ACOT11: variants seen among roughly 807,000 people sequenced by gnomAD.
ACOT11 encodes the protein acyl-CoA thioesterase 11, also known as acyl-coenzyme A thioesterase 11.
Under a neutral mutation model 77.5 loss-of-function variants are expected in ACOT11, and 69 were observed. That is an observed-to-expected ratio of 0.89 (90% CI 0.73 to 1.09). The LOEUF (loss-of-function observed/expected upper bound fraction) is 1.09, where lower values mean the gene tolerates loss of function less well. Among genes scored for constraint, ACOT11 ranks in the 50% least tolerant of loss-of-function variants. The pLI, the probability that ACOT11 is intolerant of heterozygous loss-of-function variation, is 0.00. For synonymous variants in ACOT11, 279 were observed against 313.0 expected (o/e 0.89, Z 1.15); for missense variants, 766 against 813.7 (o/e 0.94, Z 0.71).
At chr1:54,571,380 G>T (rs552216554) in intron 1 of ACOT11, among the ~76,000 whole-genome samples, 41 of 152,190 alleles carry the variant, frequency 2.7e-4, no homozygotes, top group Non-Finnish European at 5.3e-4. Flanking sequence ...AGTGGAATTG[G>T]AACAGGTCTG....
intron 1 of ACOT11, chr1:54,582,442 T>C (rs1654344124): frequency 7.1e-6 from 7 of 985,350 alleles, no homozygotes; most frequent in Non-Finnish European, 8.4e-6. Context: ...CAGGGCCCCG[T>C]ACAGAGGAAG....
intron 15 of ACOT11, among the ~76,000 whole-genome samples, chr1:54,630,226 AC>A (rs1644292284): frequency 1.2e-5 from 1 of 86,592 alleles, no homozygotes; most frequent in Admixed American, 1.2e-4. Flanking sequence ...AATAAAAAAA[AC>A]AAGCCAGGTG....
chr1:54,603,809 A>C, intron 10 of ACOT11, 62 bp from the exon 11 acceptor site: 81 of 1,476,742 alleles, frequency 5.5e-5, no homozygotes, highest in Non-Finnish European at 6.6e-5. Context: ...GGCCTGCAGT[A>C]GAGTCTGTGG....
intron 1 of ACOT11, among the ~76,000 whole-genome samples, chr1:54,549,559 T>G (rs545026339): frequency 7.9e-5 from 12 of 152,348 alleles, no homozygotes; most frequent in African/African-American, 2.9e-4. Flanking sequence ...TGCTGCCTCC[T>G]CTGGAAGTCC....
chr1:54,581,000 G>A (rs1654286421), intron 1 of ACOT11, among the ~76,000 whole-genome samples: 1 of 152,200 alleles, frequency 6.6e-6, no homozygotes, highest in Non-Finnish European at 1.5e-5. Context: ...AGCTACGGTG[G>A]CTGGTTCTTG....
chr1:54,566,008 T>G (rs1429629827), intron 1 of ACOT11, among the ~76,000 whole-genome samples: 1 of 152,184 alleles, frequency 6.6e-6, no homozygotes, highest in Non-Finnish European at 1.5e-5. Flanking sequence ...AAATCAGTGA[T>G]AGCTTGTTTC....
At chr1:54,626,882 G>C (rs1237320377) in intron 15 of ACOT11, among the ~76,000 whole-genome samples, 1 of 134,368 alleles carries the variant, frequency 7.4e-6, no homozygotes, top group Admixed American at 7.7e-5. Context: ...TTTTGAGGCA[G>C]AGTCTTGCTC....
rs1398255788 is a variant in ACOT11 at position 54,603,879 on chromosome 1, T to G, written c.1094T>G (p.Ile365Ser). The G allele has an allele frequency of 6.2e-7, 1 of 1,614,042 alleles. No individual in the cohort carries two copies. The highest frequency in any genetic ancestry group is 2.2e-5 in the East Asian group (1 of 44,868). Residue 365 changes from isoleucine (I) to serine (S), a missense_variant, in exon 11 of 16, where the codon ATC becomes AGC. Coordinates refer to ENST00000343744, the MANE Select transcript of ACOT11 (RefSeq NM_147161.4). ...TCTTCTCTCCTTCCCAGGAAGTACATCGTGTCCTGTAAGCAGACAGAGGTG... is the reference window on the plus strand; with the variant it reads ...TCTTCTCTCCTTCCCAGGAAGTACAGCGTGTCCTGTAAGCAGACAGAGGTG... ...RKKIRLDRKY[I>S]VSCKQTEVPL...
At chr1:54,603,355 A>G (rs1293068644) in intron 10 of ACOT11, among the ~76,000 whole-genome samples, 1 of 152,218 alleles carries the variant, frequency 6.6e-6, no homozygotes, top group Non-Finnish European at 1.5e-5. Flanking sequence ...TCTCAAAATA[A>G]ATAAATAAAT....
intron 15 of ACOT11, among the ~76,000 whole-genome samples, chr1:54,627,112 C>A (rs1237732778): frequency 1.5e-5 from 2 of 135,788 alleles, no homozygotes; most frequent in African/African-American, 5.0e-5. Context: ...TCACCTCAGC[C>A]TCCCAAAGTG....
intron 1 of ACOT11, among the ~76,000 whole-genome samples, chr1:54,566,389 G>T (rs756439880): frequency 1.3e-4 from 19 of 151,536 alleles, no homozygotes; most frequent in Non-Finnish European, 1.8e-4. Context: ...CCCGGGAGAT[G>T]GAGATTGCAG....
intron 8 of ACOT11, 146 bp from the exon 9 acceptor site, chr1:54,601,123 G>A: frequency 2.6e-6 from 2 of 768,304 alleles, no homozygotes; most frequent in South Asian, 1.9e-5. Context: ...ATACATGTGT[G>A]TGTATGTGTG....
chr1:54,604,778 C>G (rs1644005629), intron 12 of ACOT11, among the ~76,000 whole-genome samples: 1 of 152,192 alleles, frequency 6.6e-6, no homozygotes, highest in Non-Finnish European at 1.5e-5. Flanking sequence ...GCTCTGCCAG[C>G]TGCCTGTTCC....
chr1:54,617,542 T>A (rs1207914317), intron 15 of ACOT11, among the ~76,000 whole-genome samples: 3 of 151,462 alleles, frequency 2.0e-5, no homozygotes, highest in Non-Finnish European at 4.4e-5. Flanking sequence ...GTCTTCGTGG[T>A]CTGTACAATC....
intron 1 of ACOT11, among the ~76,000 whole-genome samples, chr1:54,572,571 G>A (rs193054613): frequency 6.9e-4 from 104 of 150,920 alleles, no homozygotes; most frequent in Non-Finnish European, 1.6e-4. Context: ...CTCCCCTGAG[G>A]GGGGGGGTCA....
intron 15 of ACOT11, 144 bp downstream of exon 15, chr1:54,608,212 G>A: frequency 1.3e-6 from 1 of 744,714 alleles, no homozygotes; most frequent in East Asian, 2.7e-5. Context: ...GAGCCTGAGA[G>A]TGTCAGGGGC....
chr1:54,585,710 GGGTGT>G (rs1434494535), intron 2 of ACOT11, 120 bp from the exon 3 acceptor site: 1 of 817,934 alleles, frequency 1.2e-6, no homozygotes, highest in African/African-American at 1.7e-5. Flanking sequence ...GGTGGCAGCA[GGGTGT>G]GGTGGGAGTT....
rs936642111 is a variant in ACOT11 at position 54,602,559 on chromosome 1, C to T, written c.1030-110C>T. ...GTTTTGATTCCAGCTGCCCCAGCGA[C>T]ACCTGAACTCCACGTTAGGGCTGCA... On this transcript the variant is annotated intron_variant, in intron 9 of 15. Coordinates refer to ENST00000343744, the MANE Select transcript of ACOT11 (RefSeq NM_147161.4). 11 of 1,065,426 alleles carry T rather than the reference C, an allele frequency of 1.0e-5. No homozygotes were observed. The Admixed American group carries it at 1.9e-4, about 19-fold the overall frequency. 66.0% of individuals were successfully genotyped at this position (1,065,426 alleles called of 1,614,324 possible). A position where few individuals can be genotyped will look rare whatever the true frequency, so the allele number is the denominator to read the frequency against.
chr1:54,591,637 C>T (rs1654717419), intron 3 of ACOT11, among the ~76,000 whole-genome samples: 1 of 152,240 alleles, frequency 6.6e-6, no homozygotes, highest in Non-Finnish European at 1.5e-5. Context: ...CTCCTCCCCA[C>T]AGTCCATCAG....
Sources: allele counts gnomAD v4.1 joint callset (sites outside exome capture counted in the v4.1 genomes callset), GRCh38; gene constraint gnomAD v4.1.1; transcripts MANE v1.5; gene names NCBI Gene and HGNC (gene_info 2026-07-23, HGNC 2026-07-21).